The following HNRNPA1L2 variants were observed in gnomAD, a reference collection of about 807,000 sequenced individuals.
HNRNPA1L2 encodes the protein heterogeneous nuclear ribonucleoprotein A1 like 2.
Under a neutral mutation model 18.2 loss-of-function variants are expected in HNRNPA1L2, and 10 were observed. The observed-to-expected ratio is 0.55, with a 90% CI of 0.34 to 0.93. The LOEUF is 0.93. HNRNPA1L2 is among the 40% of genes least tolerant of loss of function. HNRNPA1L2 has a pLI of 0.02. For missense variants in HNRNPA1L2, 308 were observed against 394.4 expected (o/e 0.78, Z 1.85); for synonymous variants, 124 against 138.6 (o/e 0.89, Z 0.74).
chr13:52,642,384 C>A, upstream of HNRNPA1L2: 2 of 1,400,790 alleles, frequency 1.4e-6, no homozygotes, highest in South Asian at 1.4e-5. Context: ...CAGCCAGAAT[C>A]TCATCCAAAT....
the HNRNPA1L2 span, among the ~76,000 whole-genome samples, chr13:52,633,974 A>G: frequency 6.6e-6 from 1 of 152,206 alleles, no homozygotes; most frequent in Non-Finnish European, 1.5e-5. Context: ...TATACCCTAT[A>G]GCATCTACTC....
At chr13:52,624,750 C>T in the HNRNPA1L2 span, among the ~76,000 whole-genome samples, 7 of 152,110 alleles carry the variant, frequency 4.6e-5, no homozygotes, top group African/African-American at 1.4e-4. Context: ...TCTCGAGGGG[C>T]CTGGAGCAGT....
upstream of HNRNPA1L2, among the ~76,000 whole-genome samples, chr13:52,639,065 C>G (rs1276792810): frequency 6.6e-6 from 1 of 152,192 alleles, no homozygotes; most frequent in Non-Finnish European, 1.5e-5. Context: ...GGGAGCACTT[C>G]ACATGCAGAC....
At chr13:52,639,671 T>C (rs78020919), upstream of HNRNPA1L2, among the ~76,000 whole-genome samples, 128 of 146,308 alleles carry the variant, frequency 8.7e-4, 1 homozygote, top group East Asian at 0.022. Context: ...GTGTGTTCTC[T>C]TCTGTTTTTG....
the HNRNPA1L2 span, among the ~76,000 whole-genome samples, chr13:52,636,428 G>A: frequency 1.3e-5 from 2 of 152,296 alleles, no homozygotes; most frequent in East Asian, 3.9e-4. Flanking sequence ...TTCAAAAGAT[G>A]TTCTGAAATT....
the HNRNPA1L2 span, among the ~76,000 whole-genome samples, chr13:52,619,208 G>T: frequency 6.6e-6 from 1 of 152,004 alleles, no homozygotes; most frequent in African/African-American, 2.4e-5. Context: ...ATGTTGGCCA[G>T]GCTCCAACTC....
rs1180905611 is a variant in HNRNPA1L2, at chr13:52,643,000, G to A, written c.508G>A (p.Val170Met). The A allele has an allele frequency of 6.3e-7, 1 of 1,597,536 alleles. No individual in the cohort carries two copies. The highest frequency in any genetic ancestry group is 2.2e-5 in the East Asian group (1 of 44,884). Residue 170 changes from valine (V) to methionine (M), a missense_variant, in exon 1 of 1, where the codon GTG becomes ATG. Physicochemically the swap from Val to Met is conservative, Grantham distance 21. Transcript: ENST00000357495. ...DKIVIQKYHT[V>M]KGHNCEVRKA... ...GATTGTCATTCAGAAATACCATACTGTGAAGGGCCACAACTGTGAAGTTAG... is the reference window on the plus strand; with the variant it reads ...GATTGTCATTCAGAAATACCATACTATGAAGGGCCACAACTGTGAAGTTAG...
At chr13:52,628,459 T>A in the HNRNPA1L2 span, among the ~76,000 whole-genome samples, 255 of 151,356 alleles carry the variant, frequency 1.7e-3, 1 homozygote, top group Non-Finnish European at 2.6e-3. Context: ...AAATTATATT[T>A]AAAAAAAAAG....
chr13:52,642,629 T>C lies in HNRNPA1L2; in HGVS notation c.137T>C (p.Met46Thr). ...GGAACGCTCACAGACTGTGTGGTAA[T>C]GAGAGATCCAAACACCAAGCGCTCC... ...QWGTLTDCVV[M>T]RDPNTKRSRG... The change falls in exon 1 of 1, where the codon ATG becomes ACG. Residue 46 changes from methionine to threonine, a missense_variant. Physicochemically the swap from Met to Thr is moderately conservative, Grantham distance 81. Coordinates refer to ENST00000357495, the MANE Select transcript of HNRNPA1L2 (RefSeq NM_001389320.1). 1.2e-6 allele frequency: 2 copies of C among 1,611,776 alleles called. No individual in the cohort carries two copies. Among genetic ancestry groups the C allele is most frequent in the Non-Finnish European group, 1.7e-6 (2 of 1,179,826 alleles).
upstream of HNRNPA1L2, among the ~76,000 whole-genome samples, chr13:52,637,752 A>G (rs1404586574): frequency 6.6e-6 from 1 of 152,230 alleles, no homozygotes; most frequent in Non-Finnish European, 1.5e-5. Context: ...GGGCTTCGAC[A>G]GTACTATCAT....
chr13:52,641,687 G>A (rs540335736), upstream of HNRNPA1L2: 1 of 152,266 alleles, frequency 6.6e-6, no homozygotes, highest in Non-Finnish European at 1.5e-5. Flanking sequence ...ATTATGTCAA[G>A]CCTTCAGTGG....
At chr13:52,620,612 A>G in the HNRNPA1L2 span, among the ~76,000 whole-genome samples, 3 of 152,222 alleles carry the variant, frequency 2.0e-5, no homozygotes, top group South Asian at 4.1e-4. Flanking sequence ...AGCAAGGAGC[A>G]TAGATACTTT....
upstream of HNRNPA1L2, among the ~76,000 whole-genome samples, chr13:52,638,291 CTCT>C (rs1464263686): frequency 4.6e-5 from 7 of 152,092 alleles, no homozygotes; most frequent in Non-Finnish European, 1.0e-4. Flanking sequence ...TGCATTTGCC[CTCT>C]TAGGGGATGA....
At chr13:52,617,878 G>A in the HNRNPA1L2 span, among the ~76,000 whole-genome samples, 1 of 152,230 alleles carries the variant, frequency 6.6e-6, no homozygotes, top group African/African-American at 2.4e-5. Context: ...AGCGTGCGTG[G>A]AAGACAGAGC....
the HNRNPA1L2 span, chr13:52,629,324 T>G: frequency 1.4e-5 from 3 of 220,510 alleles, no homozygotes; most frequent in African/African-American, 6.9e-5. Context: ...ATGACAATTA[T>G]CCTGGCCTGG....
chr13:52,619,932 A>G, the HNRNPA1L2 span, among the ~76,000 whole-genome samples: 3 of 151,122 alleles, frequency 2.0e-5, no homozygotes, highest in Non-Finnish European at 4.4e-5. Context: ...AAAAAAAAAA[A>G]AAAAAAAAAA....
chr13:52,639,537 G>A (rs1057117039), upstream of HNRNPA1L2, among the ~76,000 whole-genome samples: 16 of 151,906 alleles, frequency 1.1e-4, no homozygotes, highest in Admixed American at 3.3e-4. Flanking sequence ...TGTGTTCTTC[G>A]CTATTTATTG....
chr13:52,639,694 C>CAAAAAAAAAAAAAAAAAAAAAA (rs10661534), upstream of HNRNPA1L2, among the ~76,000 whole-genome samples: 1 of 73,546 alleles, frequency 1.4e-5, no homozygotes, highest in African/African-American at 5.2e-5. Context: ...GACCCTGTCT[C>CAAAAAAAAAAAAAAAAAAAAAA]AAAAAAAAAA....
the HNRNPA1L2 span, among the ~76,000 whole-genome samples, chr13:52,625,747 G>A: frequency 6.6e-6 from 1 of 152,158 alleles, no homozygotes; most frequent in Admixed American, 6.5e-5. Flanking sequence ...AGTTCTGAAA[G>A]TACATTTCAT....
Sources: allele counts gnomAD v4.1 joint callset (sites outside exome capture counted in the v4.1 genomes callset), GRCh38; gene constraint gnomAD v4.1.1; transcripts MANE v1.5; gene names NCBI Gene and HGNC (gene_info 2026-07-23, HGNC 2026-07-21).